The following RPS6KB1 variants were observed in gnomAD, a reference collection of about 807,000 sequenced individuals.
RPS6KB1 encodes the protein ribosomal protein S6 kinase beta-1.
RPS6KB1 carries 12 observed loss-of-function variants against 70.2 expected under a neutral mutation model. That is an observed-to-expected ratio of 0.17 (90% CI 0.11 to 0.28). The LOEUF (loss-of-function observed/expected upper bound fraction) is 0.28, where lower values mean the gene tolerates loss of function less well. RPS6KB1 is among the 10% of genes least tolerant of loss of function. RPS6KB1 has a pLI of 1.00. For synonymous variants in RPS6KB1, 175 were observed against 211.2 expected, an observed-to-expected ratio of 0.83 and a Z score of 1.49; for missense variants, 270 against 646.6, an observed-to-expected ratio of 0.42 and a Z score of 6.32.
At chr17:59,901,996 A>G (rs2041980500) in intron 1 of RPS6KB1, among the ~76,000 whole-genome samples, 1 of 149,306 alleles carries the variant, frequency 6.7e-6, no homozygotes, top group African/African-American at 2.5e-5. Context: ...TGCGCAACAG[A>G]ATGAGAACCT....
Position 59,893,339 on chromosome 17 carries a change from TC to T in RPS6KB1, c.141+18del, listed in dbSNP as rs1211410512. 4.4e-6 allele frequency: 7 copies of T among 1,590,782 alleles called. No individual in the cohort carries two copies. The highest frequency in any genetic ancestry group is 1.7e-4 in the Middle Eastern group (1 of 5,886). The stretch of plus-strand genomic sequence containing the variant: ...CTGGAGGAGGGGGTGAGGCCCGGGG[TC>T]CCCGGGGGCCCGAGGTGACAGGGCC... On this transcript the variant is annotated intron_variant, in intron 1 of 14. Coordinates refer to ENST00000225577, the MANE Select transcript of RPS6KB1 (RefSeq NM_003161.4). The surrounding 1 kb of genome is among the most constrained non-coding windows in gnomAD (Gnocchi z 4.1).
At position 59,915,282 on chromosome 17, in the gene RPS6KB1, C is replaced by G. The variant is rs184514748; in HGVS notation, c.381+579C>G. 1.5e-3 allele frequency among the ~76,000 whole-genome samples: 230 copies of G among 151,874 alleles called. 1 individual carries two copies. Among genetic ancestry groups the G allele is most frequent in the Middle Eastern group, 0.01 (3 of 294 alleles). On this transcript the variant is annotated intron_variant, in intron 4 of 14. Transcript: ENST00000225577. ...GGGATTACAGGCATGAGCCACCGCACCCGGCAAAAAATGTATTTCTAACAC... is the reference window on the plus strand; with the variant it reads ...GGGATTACAGGCATGAGCCACCGCAGCCGGCAAAAAATGTATTTCTAACAC...
At chr17:59,945,256 G>C in intron 13 of RPS6KB1, 150 bp from the exon 14 acceptor site, 1 of 514,536 alleles carries the variant, frequency 1.9e-6, no homozygotes. Context: ...AAGTTAACGG[G>C]TCTAAAAATG....
chr17:59,942,058 T>G (rs558075313), intron 13 of RPS6KB1, among the ~76,000 whole-genome samples: 2 of 152,002 alleles, frequency 1.3e-5, no homozygotes, highest in Non-Finnish European at 2.9e-5. Flanking sequence ...CGGGGTTTCA[T>G]CGTGTTAGCC....
At chr17:59,922,551 CTTTTTTTTTTTTTTTT>C (rs71145590) in intron 4 of RPS6KB1, among the ~76,000 whole-genome samples, 4 of 80,386 alleles carry the variant, frequency 5.0e-5, no homozygotes, top group Non-Finnish European at 8.7e-5. Context: ...TTTTATACTC[CTTTTTTTTTTTTTTTT>C]TTTTTTTTTG....
At chr17:59,901,259 C>T (rs1373188893) in intron 1 of RPS6KB1, among the ~76,000 whole-genome samples, 1 of 151,454 alleles carries the variant, frequency 6.6e-6, no homozygotes, top group African/African-American at 2.4e-5. Flanking sequence ...ACGCCATTCT[C>T]CTGCCTCAGC....
At chr17:59,904,029 C>G (rs1388522655) in intron 1 of RPS6KB1, among the ~76,000 whole-genome samples, 2 of 151,980 alleles carry the variant, frequency 1.3e-5, no homozygotes, top group African/African-American at 2.4e-5. Flanking sequence ...GCATGAGCCA[C>G]TGCGCCTGGC....
intron 3 of RPS6KB1, among the ~76,000 whole-genome samples, chr17:59,914,432 A>G (rs908691909): frequency 1.3e-5 from 2 of 152,202 alleles, no homozygotes; most frequent in Admixed American, 1.3e-4. Context: ...TTAGATGGTC[A>G]TTGTCCAACA....
At chr17:59,912,298 C>T (rs2042691090) in intron 2 of RPS6KB1, 3 of 222,262 alleles carry the variant, frequency 1.3e-5, no homozygotes, top group South Asian at 6.6e-5. Context: ...TCCAGAAATA[C>T]GGCCTCAATA....
intron 1 of RPS6KB1, among the ~76,000 whole-genome samples, chr17:59,906,085 C>A (rs528818581): frequency 1.3e-5 from 2 of 152,134 alleles, no homozygotes; most frequent in Non-Finnish European, 1.5e-5. Context: ...ATGTGGATAT[C>A]CAGTTGTTCC....
At chr17:59,926,664 T>G in intron 5 of RPS6KB1, 82 bp downstream of exon 5, 1 of 1,168,550 alleles carries the variant, frequency 8.6e-7, no homozygotes, top group Non-Finnish European at 1.2e-6. Context: ...GGAAGAATAC[T>G]TTTTCCCATT....
rs565999143 is a variant in RPS6KB1 at position 59,903,048 on chromosome 17, C to G, written c.142-7514C>G. Among the ~76,000 whole-genome samples, 3 of 152,036 alleles carry G rather than the reference C, an allele frequency of 2.0e-5. No individual in the cohort carries two copies. The South Asian group carries it at 6.2e-4, about 32-fold the overall frequency. ...ATGAGCCGATGCTGGGCATGGTGGC[C>G]TGTATTCCCAGCACTTTGGGAGGCC... On this transcript the variant is annotated intron_variant, in intron 1 of 14. Transcript: ENST00000225577.
intron 10 of RPS6KB1, among the ~76,000 whole-genome samples, chr17:59,935,959 T>C (rs1002296620): frequency 3.3e-4 from 50 of 151,446 alleles, no homozygotes; most frequent in African/African-American, 1.2e-3. Flanking sequence ...TTACAGGTGT[T>C]CACCACCACG....
chr17:59,912,724 A>G lies in RPS6KB1; in HGVS notation c.232A>G (p.Ser78Gly), dbSNP rs1323291838. ...TGAGAAATTTGAAATCTCAGAAACT[A>G]GTGTGAACAGAGGGCCAGAAAAAAT... ...HCEKFEISET[S>G]VNRGPEKIRP... The change falls in exon 3 of 15, where the codon AGT becomes GGT. Residue 78 changes from serine (S) to glycine (G), a missense_variant. Coordinates refer to ENST00000225577, the MANE Select transcript of RPS6KB1 (RefSeq NM_003161.4). 1 of 1,613,920 alleles carries G rather than the reference A, an allele frequency of 6.2e-7. No individual in the cohort carries two copies. Among genetic ancestry groups the G allele is most frequent in the African/African-American group, 1.3e-5 (1 of 74,948 alleles).
At position 59,947,402 on chromosome 17, in the gene RPS6KB1, C is replaced by T; in HGVS notation, c.*614C>T. On this transcript the variant is annotated 3_prime_UTR_variant, in exon 15 of 15. Coordinates refer to ENST00000225577, the MANE Select transcript of RPS6KB1 (RefSeq NM_003161.4). Reference sequence around the variant, plus strand: ...AAATTATTGGTTGGTGTGAAGAAAGCCAGACAACTTCTGTTTCTTCTCTTG... The same window carrying T: ...AAATTATTGGTTGGTGTGAAGAAAGTCAGACAACTTCTGTTTCTTCTCTTG... 2 of 1,259,348 alleles carry T rather than the reference C, an allele frequency of 1.6e-6. No individual in the cohort carries two copies. The highest frequency in any genetic ancestry group is 2.0e-6 in the Non-Finnish European group (2 of 994,504). 78.0% of individuals were successfully genotyped at this position (1,259,348 alleles called of 1,614,324 possible). A position where few individuals can be genotyped will look rare whatever the true frequency, so the allele number is the denominator to read the frequency against.
At chr17:59,925,540 T>C (rs1160967429) in intron 4 of RPS6KB1, among the ~76,000 whole-genome samples, 1 of 152,206 alleles carries the variant, frequency 6.6e-6, no homozygotes, top group African/African-American at 2.4e-5. Context: ...GTTGGTTTAT[T>C]ATACTAGCCT....
At chr17:59,937,187 T>G (rs988955678) in intron 12 of RPS6KB1, among the ~76,000 whole-genome samples, 5 of 152,212 alleles carry the variant, frequency 3.3e-5, no homozygotes, top group African/African-American at 1.2e-4. Context: ...TTGTACTATC[T>G]TGTAAAGAAC....
rs1212984752 is a variant in RPS6KB1 at position 59,950,421 on chromosome 17, C to T, written c.*3633C>T. On this transcript the variant is annotated 3_prime_UTR_variant, in exon 15 of 15. Transcript: ENST00000225577. The stretch of plus-strand genomic sequence containing the variant: ...GAAATTAAATGCAAATTTGAATGAA[C>T]ATAAATAGAAGTGATTTATTTTTTT... The T allele has an allele frequency of 6.6e-6, 1 of 152,446 alleles. No homozygotes were observed. Among genetic ancestry groups the T allele is most frequent in the Non-Finnish European group, 1.5e-5 (1 of 67,930 alleles). 9.4% of individuals were successfully genotyped at this position (152,446 alleles called of 1,614,324 possible).
Position 59,893,170 on chromosome 17 carries a change from G to C in RPS6KB1, c.-15G>C, listed in dbSNP as rs1390401164. Reference sequence around the variant, plus strand: ...TGGCGGCAGCGGCTGTGGTGGCTGCGGCGGGTCCGGGCCCATGAGGCGACG... The same window carrying C: ...TGGCGGCAGCGGCTGTGGTGGCTGCCGCGGGTCCGGGCCCATGAGGCGACG... On this transcript the variant is annotated 5_prime_UTR_variant, in exon 1 of 15. Transcript: ENST00000225577. This position sits in a 1 kb window ranked among gnomAD's most constrained non-coding sequence, Gnocchi z 4.1. 6.5e-7 allele frequency: 1 copy of C among 1,547,518 alleles called. No homozygotes were observed. The highest frequency in any genetic ancestry group is 1.3e-5 in the African/African-American group (1 of 74,428).
Sources: gnomAD v4.1 joint callset for allele counts (sites outside exome capture counted in the v4.1 genomes callset) on GRCh38, gnomAD v4.1.1 for gene constraint, Gnocchi (gnomAD v3.1) non-coding constraint, MANE v1.5 for transcripts, NCBI Gene and HGNC (gene_info 2026-07-23, HGNC 2026-07-21) for gene names.